The following MB21D2 variants were observed in gnomAD, a reference collection of about 807,000 sequenced individuals.
MB21D2 encodes the protein nucleotidyltransferase MB21D2.
In MB21D2, 9 loss-of-function variants were observed where a neutral mutation model predicts 33.3. The ratio of observed to expected loss-of-function variants is 0.27; its 90% CI spans 0.16 to 0.47. The LOEUF is 0.47. MB21D2 is among the 20% of genes least tolerant of loss of function. The pLI is 0.99. For synonymous variants in MB21D2, 241 were observed against 236.3 expected, an observed-to-expected ratio of 1.02 and a Z score of -0.18; for missense variants, 540 against 624.6, an observed-to-expected ratio of 0.86 and a Z score of 1.44.
intron 1 of MB21D2, among the ~76,000 whole-genome samples, chr3:192,888,371 CG>C (rs1415984336): frequency 2.0e-5 from 3 of 152,068 alleles, no homozygotes; most frequent in African/African-American, 7.3e-5. Context: ...GAAGGTTAAA[CG>C]CAGTATATCT....
At position 192,799,655 on chromosome 3, in the gene MB21D2, A is replaced by G. The variant is rs749400848; in HGVS notation, c.212-5T>C. 3 of 1,607,460 alleles carry G rather than the reference A, an allele frequency of 1.9e-6. No individual in the cohort carries two copies. Among genetic ancestry groups the G allele is most frequent in the Admixed American group, 3.4e-5 (2 of 58,606 alleles). ...GGTCCAGCTTTTGCACCATTCCTGG[A>G]AATAAAGAAGAAAAAAACAACACTA... On this transcript the variant is annotated splice_polypyrimidine_tract_variant and splice_region_variant and intron_variant, in intron 1 of 1. Coordinates refer to ENST00000392452, the MANE Select transcript of MB21D2 (RefSeq NM_178496.4). This position sits in a 1 kb window ranked among gnomAD's most constrained non-coding sequence, Gnocchi z 4.1.
intron 1 of MB21D2, among the ~76,000 whole-genome samples, chr3:192,898,872 C>T (rs189130818): frequency 1.1e-4 from 16 of 152,264 alleles, no homozygotes; most frequent in Non-Finnish European, 2.2e-4. Context: ...TGAGATCTCA[C>T]GGATCAGTAA....
intron 1 of MB21D2, among the ~76,000 whole-genome samples, chr3:192,849,316 T>TGGGGGGGG (rs66792694): frequency 3.3e-5 from 3 of 92,178 alleles, no homozygotes; most frequent in Admixed American, 2.6e-4. Flanking sequence ...TCTCTTTTTT[T>TGGGGGGGG]GGGGGGGGGG....
intron 1 of MB21D2, among the ~76,000 whole-genome samples, chr3:192,833,310 G>A (rs756961239): frequency 4.6e-5 from 7 of 152,090 alleles, no homozygotes; most frequent in Non-Finnish European, 8.8e-5. Context: ...TAATTTTAGC[G>A]CAGCTCCTCA....
At chr3:192,874,278 A>C (rs1432665678) in intron 1 of MB21D2, among the ~76,000 whole-genome samples, 2 of 152,344 alleles carry the variant, frequency 1.3e-5, no homozygotes, top group African/African-American at 4.8e-5. Flanking sequence ...GTAAAAAAGA[A>C]GAAAAAGCAT....
rs770585319 is a variant in MB21D2, at chr3:192,851,356, G to A, written c.212-51706C>T. ...TGTCTGCCAAGGGCTGTTGGGGAGT[G>A]GGGAGTAGAAGGTGACTGCTAATGA... On this transcript the variant is annotated intron_variant, in intron 1 of 1. Transcript: ENST00000392452. 7.2e-5 allele frequency among the ~76,000 whole-genome samples: 11 copies of A among 152,196 alleles called. No individual in the cohort carries two copies. The South Asian group carries it at 8.3e-4, about 12-fold the overall frequency.
At chr3:192,842,191 G>A (rs1462699538) in intron 1 of MB21D2, among the ~76,000 whole-genome samples, 1 of 152,208 alleles carries the variant, frequency 6.6e-6, no homozygotes, top group East Asian at 1.9e-4. Context: ...AGCTGAACTG[G>A]GGCACAGCTG....
intron 1 of MB21D2, among the ~76,000 whole-genome samples, chr3:192,886,417 A>T (rs1332594409): frequency 1.3e-5 from 2 of 152,104 alleles, no homozygotes; most frequent in Non-Finnish European, 2.9e-5. Context: ...GTATTTCCAA[A>T]CACACAACAG....
chr3:192,872,836 A>G (rs1209046450), intron 1 of MB21D2, among the ~76,000 whole-genome samples: 1 of 152,170 alleles, frequency 6.6e-6, no homozygotes, highest in African/African-American at 2.4e-5. Context: ...CAGGGGCCCC[A>G]GACAAGGTTT....
chr3:192,857,740 AT>A (rs1712949903), intron 1 of MB21D2, among the ~76,000 whole-genome samples: 2 of 152,150 alleles, frequency 1.3e-5, no homozygotes, highest in South Asian at 4.1e-4. Context: ...TTCTGAGACC[AT>A]CTCATCTGTG....
In MB21D2 at chr3:192,798,914, G is replaced by A. The variant is rs1720583731; in HGVS notation, c.948C>T (p.Ile316=). ...TGGGCCGGGACAGCAGTTTAATGAT[G>A]ATGGCTTTGCAGGCCTGATAGGCCT... ...LMQAYQACKA[I]IIKLLSRPKA... Residue 316 remains isoleucine (I), a synonymous_variant, in exon 2 of 2, where the codon ATC becomes ATT. Transcript: ENST00000392452. The surrounding 1 kb of genome is among the most constrained non-coding windows in gnomAD (Gnocchi z 4.8). 1.9e-6 allele frequency: 3 copies of A among 1,613,798 alleles called. No individual in the cohort carries two copies. Among genetic ancestry groups the A allele is most frequent in the Non-Finnish European group, 2.5e-6 (3 of 1,179,838 alleles).
chr3:192,910,188 G>A (rs371720395), intron 1 of MB21D2, among the ~76,000 whole-genome samples: 14 of 150,978 alleles, frequency 9.3e-5, no homozygotes, highest in African/African-American at 2.9e-4. Flanking sequence ...AATAGAGGTG[G>A]GGCGTGGTAG....
At position 192,798,593 on chromosome 3, in the gene MB21D2, C is replaced by A; in HGVS notation, c.1269G>T (p.Arg423=). The part of the protein sequence containing the change: ...TAIEHVKAAN[R]LTLELQRRGS... ...CTCGCCTCTGGAGCTCCAGTGTCAG[C>A]CGGTTGGCTGCCTTGACATGCTCAA... The change falls in exon 2 of 2, where the codon CGG becomes CGT. Residue 423 remains arginine (R), a synonymous_variant. Coordinates refer to ENST00000392452, the MANE Select transcript of MB21D2 (RefSeq NM_178496.4). The surrounding 1 kb of genome is among the most constrained non-coding windows in gnomAD (Gnocchi z 4.8). 6.2e-7 allele frequency: 1 copy of A among 1,614,060 alleles called. No homozygotes were observed. Among genetic ancestry groups the A allele is most frequent in the Non-Finnish European group, 8.5e-7 (1 of 1,180,032 alleles).
chr3:192,900,013 A>G (rs13069005), intron 1 of MB21D2, among the ~76,000 whole-genome samples: 77,391 of 151,318 alleles, frequency 0.51, 19,867 homozygotes, highest in Admixed American at 0.53. Context: ...GGCCAGGCAC[A>G]GTGGCTCACG....
intron 1 of MB21D2, among the ~76,000 whole-genome samples, chr3:192,839,699 A>C (rs746281167): frequency 6.6e-6 from 1 of 152,258 alleles, no homozygotes; most frequent in Non-Finnish European, 1.5e-5. Flanking sequence ...TACTGTCATC[A>C]GAATGGGAGC....
At chr3:192,917,585 TCACA>T in intron 1 of MB21D2, 41 bp downstream of exon 1, 9 of 1,516,336 alleles carry the variant, frequency 5.9e-6, no homozygotes, top group Non-Finnish European at 8.1e-6. Flanking sequence ...CCGCTTCCCA[TCACA>T]CACACACACG....
intron 1 of MB21D2, among the ~76,000 whole-genome samples, chr3:192,876,492 CTTCT>C (rs1367541364): frequency 3.9e-5 from 6 of 152,228 alleles, no homozygotes; most frequent in African/African-American, 1.2e-4. Context: ...CCTAACTGGT[CTTCT>C]TTGTTAGTCC....
At chr3:192,854,446 T>C (rs1057311257) in intron 1 of MB21D2, among the ~76,000 whole-genome samples, 10 of 152,172 alleles carry the variant, frequency 6.6e-5, no homozygotes, top group African/African-American at 2.4e-4. Context: ...AGAAACTGGC[T>C]CATGAGATTT....
At chr3:192,900,384 T>G (rs564062246) in intron 1 of MB21D2, among the ~76,000 whole-genome samples, 1 of 149,596 alleles carries the variant, frequency 6.7e-6, no homozygotes, top group South Asian at 2.1e-4. Flanking sequence ...TACACAGGGA[T>G]GGAGAAAAAG....
Sources: gnomAD v4.1 joint callset for allele counts (sites outside exome capture counted in the v4.1 genomes callset) on GRCh38, gnomAD v4.1.1 for gene constraint, Gnocchi (gnomAD v3.1) non-coding constraint, MANE v1.5 for transcripts, NCBI Gene and HGNC (gene_info 2026-07-23, HGNC 2026-07-21) for gene names.